Variants in PTN observed in about 807,000 individuals in gnomAD.
The protein encoded by PTN is heparin affin regulatory protein.
Under a neutral mutation model 24.1 loss-of-function variants are expected in PTN, and 18 were observed. The ratio of observed to expected loss-of-function variants is 0.75; its 90% CI spans 0.52 to 1.11. PTN has a LOEUF of 1.11. Ranked by LOEUF, PTN falls within the 50% of genes least tolerant of loss-of-function variation. The pLI, the probability that PTN is intolerant of heterozygous loss-of-function variation, is 0.00. For synonymous variants in PTN, 78 were observed against 68.6 expected (o/e 1.14, Z -0.67); for missense variants, 163 against 198.8 (o/e 0.82, Z 1.08).
intron 4 of PTN, among the ~76,000 whole-genome samples, chr7:137,241,186 C>G (rs1056461094): frequency 6.6e-6 from 1 of 152,142 alleles, no homozygotes; most frequent in South Asian, 2.1e-4. Flanking sequence ...CCCCATGATA[C>G]AATCACCTCC....
intron 1 of PTN, among the ~76,000 whole-genome samples, chr7:137,312,927 A>T (rs1281361084): frequency 6.6e-6 from 1 of 152,204 alleles, no homozygotes; most frequent in Non-Finnish European, 1.5e-5. Flanking sequence ...ACTAAATATA[A>T]TGAAAACTGT....
chr7:137,326,591 T>A (rs1162067987), intron 1 of PTN: 1 of 152,178 alleles, frequency 6.6e-6, no homozygotes, highest in Non-Finnish European at 1.5e-5. Context: ...TCATTTAAAG[T>A]AACTGTCATA....
chr7:137,301,574 T>TAA (rs35933215), intron 1 of PTN, among the ~76,000 whole-genome samples: 78,166 of 149,248 alleles, frequency 0.52, 21,534 homozygotes, highest in South Asian at 0.66. Context: ...GTATATTAAG[T>TAA]AAAAAAAAAA....
chr7:137,264,856 G>T (rs1474956733), intron 1 of PTN, among the ~76,000 whole-genome samples: 1 of 152,126 alleles, frequency 6.6e-6, no homozygotes, highest in African/African-American at 2.4e-5. Context: ...CAGGGTCATT[G>T]CTGCCAGGGA....
intron 1 of PTN, among the ~76,000 whole-genome samples, chr7:137,292,290 T>G (rs1019961021): frequency 4.6e-5 from 7 of 152,182 alleles, no homozygotes; most frequent in Non-Finnish European, 8.8e-5. Flanking sequence ...TTTATAATAC[T>G]GATAGGATTT....
At chr7:137,254,257 A>G (rs1244171997) in intron 2 of PTN, among the ~76,000 whole-genome samples, 1 of 151,414 alleles carries the variant, frequency 6.6e-6, no homozygotes, top group Non-Finnish European at 1.5e-5. Flanking sequence ...AGATCGCACC[A>G]CTGCACTCCA....
At chr7:137,242,837 C>A (rs191572061) in intron 4 of PTN, among the ~76,000 whole-genome samples, 4 of 152,182 alleles carry the variant, frequency 2.6e-5, no homozygotes, top group African/African-American at 9.7e-5. Flanking sequence ...AGCCACAGCA[C>A]CCCCACGGAC....
At position 137,321,458 on chromosome 7, in the gene PTN, C is replaced by T. The variant is rs1323498407; in HGVS notation, c.-2+21981G>A. Among the ~76,000 whole-genome samples, 4 of 152,188 alleles carry T rather than the reference C, an allele frequency of 2.6e-5. No homozygotes were observed. The East Asian group carries it at 7.7e-4, about 29-fold the overall frequency. Reference sequence around the variant, plus strand: ...GTAATCCAATGTCTTTATTCATGCTCATGTGTTAATTGCAAAATTAGTGGC... The same window carrying T: ...GTAATCCAATGTCTTTATTCATGCTTATGTGTTAATTGCAAAATTAGTGGC... On this transcript the variant is annotated intron_variant, in intron 1 of 4. Transcript: ENST00000348225.
chr7:137,307,254 G>T (rs1442646652), intron 1 of PTN, among the ~76,000 whole-genome samples: 1 of 152,078 alleles, frequency 6.6e-6, no homozygotes, highest in Non-Finnish European at 1.5e-5. Flanking sequence ...CTGAAGCACA[G>T]CATCTGACAG....
Position 137,271,573 on chromosome 7 carries a change from G to T in PTN, c.-1-16599C>A, listed in dbSNP as rs116812974. 6.7e-3 allele frequency among the ~76,000 whole-genome samples: 1,025 copies of T among 152,316 alleles called. 13 individuals carry two copies. Among genetic ancestry groups the T allele is most frequent in the African/African-American group, 0.024 (989 of 41,564 alleles). Reference sequence around the variant, plus strand: ...TAACTGTGATAGTAAAGGTATGTTTGTTCAATTATTCTGGGGAGCCAAATG... The same window carrying T: ...TAACTGTGATAGTAAAGGTATGTTTTTTCAATTATTCTGGGGAGCCAAATG... On this transcript the variant is annotated intron_variant, in intron 1 of 4. Coordinates refer to ENST00000348225, the MANE Select transcript of PTN (RefSeq NM_002825.7).
intron 1 of PTN, among the ~76,000 whole-genome samples, chr7:137,286,952 T>C (rs1208283417): frequency 6.6e-6 from 1 of 152,180 alleles, no homozygotes; most frequent in Non-Finnish European, 1.5e-5. Flanking sequence ...GACTATAAAA[T>C]TGAAGATTTA....
In PTN at chr7:137,283,952, A is replaced by ATTTTTTTTTTTTTT. The variant is rs753374720; in HGVS notation, c.-1-28992_-1-28979dup. Among the ~76,000 whole-genome samples, 8 of 48,922 alleles carry ATTTTTTTTTTTTTT rather than the reference A, an allele frequency of 1.6e-4. 2 individuals are homozygous for ATTTTTTTTTTTTTT. Among genetic ancestry groups the ATTTTTTTTTTTTTT allele is most frequent in the African/African-American group, 3.9e-4 (4 of 10,352 alleles). The allele number at this position is 48,922 out of a possible 152,430, so 32.1% of individuals were successfully genotyped here. On this transcript the variant is annotated intron_variant, in intron 1 of 4. Coordinates refer to ENST00000348225, the MANE Select transcript of PTN (RefSeq NM_002825.7). ...AAATGAATGTGAAAATGAGCATCAGATTTTTTTTTTTTTTTTTTTTTTTTT... is the reference window on the plus strand; with the variant it reads ...AAATGAATGTGAAAATGAGCATCAGATTTTTTTTTTTTTTTTTTTTTTTTTTTTTTTTTTTTTTT...
At chr7:137,260,126 G>A (rs2128872432) in intron 1 of PTN, among the ~76,000 whole-genome samples, 1 of 152,234 alleles carries the variant, frequency 6.6e-6, no homozygotes, top group Non-Finnish European at 1.5e-5. Flanking sequence ...CTGGGGATGT[G>A]TAATTTACCA....
intron 1 of PTN, among the ~76,000 whole-genome samples, chr7:137,342,807 T>C (rs1452752709): frequency 6.6e-6 from 1 of 152,168 alleles, no homozygotes; most frequent in East Asian, 1.9e-4. Flanking sequence ...AAATGAGAGA[T>C]GGGACTCCAG....
chr7:137,239,650 G>A (rs1300275489), intron 4 of PTN, among the ~76,000 whole-genome samples: 1 of 151,892 alleles, frequency 6.6e-6, no homozygotes, highest in Non-Finnish European at 1.5e-5. Flanking sequence ...AATATGCGGT[G>A]TTTGGTTTTT....
At chr7:137,307,482 G>C (rs996818006) in intron 1 of PTN, among the ~76,000 whole-genome samples, 2 of 152,022 alleles carry the variant, frequency 1.3e-5, no homozygotes, top group African/African-American at 4.8e-5. Flanking sequence ...TGAAGAGCTG[G>C]CTTAGTCACG....
intron 1 of PTN, among the ~76,000 whole-genome samples, chr7:137,342,783 T>C (rs1309558456): frequency 1.3e-5 from 2 of 152,190 alleles, no homozygotes; most frequent in African/African-American, 4.8e-5. Flanking sequence ...GGGCAGTTCT[T>C]TAAATTTGCA....
chr7:137,343,526 G>C lies in PTN; in HGVS notation c.-89C>G, dbSNP rs781358523. On this transcript the variant is annotated 5_prime_UTR_variant, in exon 1 of 5. Coordinates refer to ENST00000348225, the MANE Select transcript of PTN (RefSeq NM_002825.7). ...ACCGCTGAGTCCAGGTACCCGGCTC[G>C]CTGCAGCTCCTGCTTGGGCCGCTGC... The C allele has an allele frequency of 1.9e-6, 1 of 518,796 alleles. No homozygotes were observed. Among genetic ancestry groups the C allele is most frequent in the East Asian group, 5.5e-5 (1 of 18,330 alleles). The allele number at this position is 518,796 out of a possible 1,614,324, so 32.1% of individuals were successfully genotyped here. A position where few individuals can be genotyped will look rare whatever the true frequency, so the allele number is the denominator to read the frequency against.
intron 1 of PTN, among the ~76,000 whole-genome samples, chr7:137,290,930 C>T (rs996121902): frequency 1.8e-4 from 28 of 152,062 alleles, no homozygotes; most frequent in African/African-American, 6.0e-4. Context: ...CATCACACAA[C>T]GTGGAACATT....
Sources: gnomAD v4.1 joint callset for allele counts (sites outside exome capture counted in the v4.1 genomes callset) on GRCh38, gnomAD v4.1.1 for gene constraint, MANE v1.5 for transcripts, NCBI Gene and HGNC (gene_info 2026-07-23, HGNC 2026-07-21) for gene names.